The following ACVR1C variants were observed in gnomAD, a reference collection of about 807,000 sequenced individuals.
The protein encoded by ACVR1C is activin A receptor type 1C.
ACVR1C carries 23 observed loss-of-function variants against 57.9 expected under a neutral mutation model. That is an observed-to-expected ratio of 0.40 (90% confidence interval 0.29 to 0.56). ACVR1C has a LOEUF of 0.56. Ranked by LOEUF, ACVR1C falls within the 20% of genes least tolerant of loss-of-function variation. The probability of loss-of-function intolerance (pLI) is 0.50; values close to 1 mark genes in which losing one functional copy is unlikely to be tolerated. For missense variants in ACVR1C, 480 were observed against 607.9 expected (o/e 0.79, Z 2.21); for synonymous variants, 214 against 215.3 (o/e 0.99, Z 0.05).
intron 4 of ACVR1C, among the ~76,000 whole-genome samples, chr2:157,545,773 TTTTA>T (rs1490336253): frequency 6.6e-6 from 1 of 152,048 alleles, no homozygotes; most frequent in African/African-American, 2.4e-5. Context: ...ATTATTTTAT[TTTTA>T]TTTATTCATT....
At position 157,551,011 on chromosome 2, in the gene ACVR1C, C is replaced by T. The variant is rs374596883; in HGVS notation, c.545-619G>A. On this transcript the variant is annotated intron_variant, in intron 3 of 8. Coordinates refer to ENST00000243349, the MANE Select transcript of ACVR1C (RefSeq NM_145259.3). ...TATAACGCTTATATTCTTTGAACTA[C>T]TAACTCCACCTCTAGAATTCTGTCG... 7.8e-4 allele frequency among the ~76,000 whole-genome samples: 119 copies of T among 152,254 alleles called. 1 individual carries two copies. The highest frequency in any genetic ancestry group is 2.7e-3 in the African/African-American group (113 of 41,550).
chr2:157,554,281 A>AAGGAAGGAAG (rs1558975202), intron 3 of ACVR1C, among the ~76,000 whole-genome samples: 4 of 122,348 alleles, frequency 3.3e-5, no homozygotes, highest in Admixed American at 7.7e-5. Context: ...GGAAGGAAGG[A>AAGGAAGGAAG]AGAGAGAGAG....
At chr2:157,588,767 A>G (rs1688987123) in intron 1 of ACVR1C, among the ~76,000 whole-genome samples, 1 of 148,822 alleles carries the variant, frequency 6.7e-6, no homozygotes, top group Non-Finnish European at 1.5e-5. Context: ...GCAAGAGACT[A>G]TTTCATTCTT....
intron 1 of ACVR1C, among the ~76,000 whole-genome samples, chr2:157,615,087 A>G (rs1261333313): frequency 6.6e-6 from 1 of 151,978 alleles, no homozygotes; most frequent in African/African-American, 2.4e-5. Context: ...TTTTACCCTC[A>G]TGCTTTTGGA....
chr2:157,544,348 A>G, intron 5 of ACVR1C, 97 bp downstream of exon 5: 2 of 1,253,520 alleles, frequency 1.6e-6, no homozygotes, highest in South Asian at 3.7e-5. Flanking sequence ...CCCAGCCTAA[A>G]GAAATAATAA....
intron 1 of ACVR1C, among the ~76,000 whole-genome samples, chr2:157,615,153 A>G (rs553515415): frequency 2.8e-4 from 42 of 151,948 alleles, no homozygotes; most frequent in African/African-American, 9.9e-4. Flanking sequence ...TATTTTTACC[A>G]TTTTAAAAAT....
At chr2:157,617,902 G>A (rs981843089) in intron 1 of ACVR1C, among the ~76,000 whole-genome samples, 1 of 151,836 alleles carries the variant, frequency 6.6e-6, no homozygotes, top group Non-Finnish European at 1.5e-5. Context: ...AAAAATAAAA[G>A]TTGGGAGGAA....
chr2:157,595,642 A>C (rs761047253), intron 1 of ACVR1C, among the ~76,000 whole-genome samples: 1 of 152,170 alleles, frequency 6.6e-6, no homozygotes, highest in Non-Finnish European at 1.5e-5. Flanking sequence ...TTCCAATTAC[A>C]TTTAGAATAA....
chr2:157,586,666 C>T (rs897461059), intron 2 of ACVR1C, among the ~76,000 whole-genome samples: 10 of 152,122 alleles, frequency 6.6e-5, no homozygotes, highest in East Asian at 5.8e-4. Context: ...GATGAAGGGT[C>T]GAATTCCATT....
chr2:157,608,964 T>G (rs1682469017), intron 1 of ACVR1C, among the ~76,000 whole-genome samples: 1 of 151,942 alleles, frequency 6.6e-6, no homozygotes, highest in African/African-American at 2.4e-5. Context: ...TTTTTTGTTA[T>G]TTAGTTCATT....
rs1687539235 is a variant in ACVR1C, at chr2:157,538,464, G to T, written c.1356+109C>A. 4.7e-6 allele frequency: 5 copies of T among 1,069,868 alleles called. No individual in the cohort carries two copies. The East Asian group carries it at 1.4e-4, about 31-fold the overall frequency. The allele number at this position is 1,069,868 out of a possible 1,614,324, so 66.3% of individuals were successfully genotyped here. On this transcript the variant is annotated intron_variant, in intron 8 of 8. Transcript: ENST00000243349. ...TCTGAAGACTTATAAAAAGACGTATGTCTACATATATGGAATGAATTGGAA... is the reference window on the plus strand; with the variant it reads ...TCTGAAGACTTATAAAAAGACGTATTTCTACATATATGGAATGAATTGGAA...
intron 3 of ACVR1C, among the ~76,000 whole-genome samples, chr2:157,553,204 C>T (rs1687961617): frequency 6.6e-6 from 1 of 152,166 alleles, no homozygotes; most frequent in South Asian, 2.1e-4. Flanking sequence ...CCCCTCCCTA[C>T]AGGTGAGCTT....
chr2:157,594,389 T>G (rs1224229734), intron 1 of ACVR1C, among the ~76,000 whole-genome samples: 1 of 139,638 alleles, frequency 7.2e-6, no homozygotes, highest in Non-Finnish European at 1.6e-5. Flanking sequence ...ATAAGTGACT[T>G]AAGGATTACC....
intron 3 of ACVR1C, among the ~76,000 whole-genome samples, chr2:157,554,259 GAAA>G (rs1558975060): frequency 4.5e-4 from 57 of 125,412 alleles, no homozygotes; most frequent in Middle Eastern, 3.8e-3. Context: ...AAGAAAGAAA[GAAA>G]GAAAGAAAGG....
intron 4 of ACVR1C, among the ~76,000 whole-genome samples, chr2:157,547,943 T>C (rs1573909594): frequency 6.6e-6 from 1 of 152,164 alleles, no homozygotes; most frequent in East Asian, 1.9e-4. Flanking sequence ...AGGGTTTTTA[T>C]GGTTTTAGGT....
chr2:157,579,902 A>T (rs1688746409), intron 2 of ACVR1C, among the ~76,000 whole-genome samples: 1 of 152,190 alleles, frequency 6.6e-6, no homozygotes, highest in African/African-American at 2.4e-5. Context: ...GAAAAATGGA[A>T]TACCAGCTAA....
chr2:157,584,018 C>G (rs917909681), intron 2 of ACVR1C, among the ~76,000 whole-genome samples: 1 of 151,876 alleles, frequency 6.6e-6, no homozygotes, highest in Admixed American at 6.6e-5. Flanking sequence ...AATCAGACTT[C>G]ATCAAAATTT....
rs754141883 is a variant in ACVR1C, at chr2:157,533,970, C to G, written c.1430G>C (p.Arg477Pro). The stretch of plus-strand genomic sequence containing the variant: ...AAGTTGAGATATAGTCTTCTTAATA[C>G]GAAGAGCAGTTAGGCGGGCCGCTCC... Reference protein sequence around the residue: ...ANGAARLTALRIKKTISQLCV... With the variant: ...ANGAARLTALPIKKTISQLCV... The change falls in exon 9 of 9, where the codon CGT becomes CCT. Residue 477 changes from arginine to proline, a missense_variant. Physicochemically the swap from Arg to Pro is moderately radical, Grantham distance 103. Transcript: ENST00000243349. 2 of 1,594,568 alleles carry G rather than the reference C, an allele frequency of 1.3e-6. No homozygotes were observed. The highest frequency in any genetic ancestry group is 1.7e-6 in the Non-Finnish European group (2 of 1,171,628).
chr2:157,582,925 A>T (rs995461928), intron 2 of ACVR1C, among the ~76,000 whole-genome samples: 1 of 152,118 alleles, frequency 6.6e-6, no homozygotes, highest in Non-Finnish European at 1.5e-5. Flanking sequence ...TGTCACCCAG[A>T]CTGGAGTGCA....
Sources: gnomAD v4.1 joint callset for allele counts (sites outside exome capture counted in the v4.1 genomes callset) on GRCh38, gnomAD v4.1.1 for gene constraint, MANE v1.5 for transcripts, NCBI Gene and HGNC (gene_info 2026-07-23, HGNC 2026-07-21) for gene names.